Variants in ERC2 observed in about 807,000 individuals in gnomAD.
ERC2 encodes ELKS/RAB6-interacting/CAST family member 2.
ERC2 carries 42 observed loss-of-function variants against 114.8 expected under a neutral mutation model. The observed-to-expected ratio is 0.37, with a 90% CI of 0.29 to 0.47. The LOEUF (loss-of-function observed/expected upper bound fraction) is 0.47, where lower values mean the gene tolerates loss of function less well. ERC2 is among the 20% of genes least tolerant of loss of function. The pLI, the probability that ERC2 is intolerant of heterozygous loss-of-function variation, is 0.99. For missense variants in ERC2, 939 were observed against 1,150.7 expected (o/e 0.82, Z 2.66); for synonymous variants, 454 against 425.5 (o/e 1.07, Z -0.82).
At chr3:55,558,672 C>A (rs780751804) in intron 17 of ERC2, among the ~76,000 whole-genome samples, 1 of 152,238 alleles carries the variant, frequency 6.6e-6, no homozygotes, top group Non-Finnish European at 1.5e-5. Flanking sequence ...GTGAGTGTGG[C>A]CTTTGGCCCA....
intron 2 of ERC2, among the ~76,000 whole-genome samples, chr3:56,334,984 T>G (rs753186871): frequency 3.9e-5 from 6 of 152,116 alleles, no homozygotes; most frequent in Non-Finnish European, 5.9e-5. Flanking sequence ...TTTGCATATT[T>G]AGTAGAGACA....
At chr3:56,024,326 G>C (rs1287303074) in intron 7 of ERC2, among the ~76,000 whole-genome samples, 1 of 152,156 alleles carries the variant, frequency 6.6e-6, no homozygotes, top group Non-Finnish European at 1.5e-5. Flanking sequence ...AGTGAGCTCT[G>C]TCCCACTCGT....
At chr3:56,322,127 T>G (rs1043322765) in intron 2 of ERC2, among the ~76,000 whole-genome samples, 6 of 152,236 alleles carry the variant, frequency 3.9e-5, no homozygotes, top group African/African-American at 1.4e-4. Context: ...TAAAATGAGC[T>G]AACAACTACA....
intron 4 of ERC2, among the ~76,000 whole-genome samples, chr3:56,165,373 C>G (rs1839953): frequency 0.91 from 138,844 of 151,864 alleles, 63,907 homozygotes; most frequent in East Asian, 1. Context: ...ACAGTGTACA[C>G]GTTAGTTACA....
At chr3:56,131,016 G>C (rs566318346) in intron 6 of ERC2, among the ~76,000 whole-genome samples, 3 of 152,182 alleles carry the variant, frequency 2.0e-5, no homozygotes, top group Non-Finnish European at 4.4e-5. Context: ...AAAGTGTGTT[G>C]TTTGGCACTA....
chr3:56,055,049 C>T (rs1231611771), intron 7 of ERC2, among the ~76,000 whole-genome samples: 1 of 152,194 alleles, frequency 6.6e-6, no homozygotes, highest in Non-Finnish European at 1.5e-5. Flanking sequence ...CATTCATTAC[C>T]TCAGGCGAGA....
chr3:55,804,301 C>T (rs1423279263), intron 14 of ERC2, among the ~76,000 whole-genome samples: 1 of 152,128 alleles, frequency 6.6e-6, no homozygotes, highest in African/African-American at 2.4e-5. Flanking sequence ...CATTTACTCA[C>T]AGAGTAAAGC....
At chr3:55,769,654 T>C (rs2068056426) in intron 14 of ERC2, among the ~76,000 whole-genome samples, 1 of 152,136 alleles carries the variant, frequency 6.6e-6, no homozygotes, top group South Asian at 2.1e-4. Context: ...GCAATTTCAT[T>C]GGGTTCAATC....
intron 14 of ERC2, among the ~76,000 whole-genome samples, chr3:55,819,065 T>G (rs1347921246): frequency 1.3e-5 from 2 of 152,204 alleles, no homozygotes; most frequent in Non-Finnish European, 2.9e-5. Flanking sequence ...ATGGTCCTTC[T>G]CTGCTGGGCA....
chr3:55,823,379 C>G (rs1386226565), intron 14 of ERC2, among the ~76,000 whole-genome samples: 1 of 152,166 alleles, frequency 6.6e-6, no homozygotes, highest in Non-Finnish European at 1.5e-5. Context: ...TTTGTTATCC[C>G]AGTACCCTTC....
intron 2 of ERC2, among the ~76,000 whole-genome samples, chr3:56,315,544 C>T (rs991378596): frequency 1.3e-5 from 2 of 152,060 alleles, no homozygotes; most frequent in Admixed American, 1.3e-4. Context: ...TTCCTTAAAA[C>T]GAAGACTCAG....
At chr3:56,426,930 G>A (rs1161411327) in intron 2 of ERC2, among the ~76,000 whole-genome samples, 6 of 151,542 alleles carry the variant, frequency 4.0e-5, no homozygotes, top group East Asian at 1.9e-4. Context: ...GGGAGGCTGA[G>A]GCAGGTGGAT....
chr3:55,691,215 A>G (rs2062621868), intron 16 of ERC2, among the ~76,000 whole-genome samples: 1 of 152,114 alleles, frequency 6.6e-6, no homozygotes, highest in South Asian at 2.1e-4. Flanking sequence ...ATAAAGAAAA[A>G]AGAGACATCT....
At chr3:55,648,536 C>T (rs542132426) in intron 17 of ERC2, among the ~76,000 whole-genome samples, 6 of 152,264 alleles carry the variant, frequency 3.9e-5, no homozygotes, top group Non-Finnish European at 5.9e-5. Flanking sequence ...GTCTCGCAGG[C>T]GGCTGCCTCC....
chr3:56,167,709 C>T (rs1050189735), intron 4 of ERC2, among the ~76,000 whole-genome samples: 2 of 152,052 alleles, frequency 1.3e-5, no homozygotes, highest in Admixed American at 6.6e-5. Context: ...ATTGTAAATG[C>T]ACACTGCACA....
intron 7 of ERC2, among the ~76,000 whole-genome samples, chr3:56,032,978 AG>A (rs2074519923): frequency 1.5e-4 from 4 of 27,218 alleles, no homozygotes; most frequent in Admixed American, 5.6e-4. Context: ...AGAAAGAAAG[AG>A]AAAGAAAGAA....
At chr3:56,313,762 T>C (rs1359884224) in intron 2 of ERC2, among the ~76,000 whole-genome samples, 1 of 152,190 alleles carries the variant, frequency 6.6e-6, no homozygotes, top group Non-Finnish European at 1.5e-5. Flanking sequence ...CAAGCATCAA[T>C]AGGCTGTGGC....
intron 14 of ERC2, among the ~76,000 whole-genome samples, chr3:55,867,321 G>GCCTA (rs1463881324): frequency 6.6e-6 from 1 of 151,784 alleles, no homozygotes; most frequent in Admixed American, 6.6e-5. Context: ...CACACACAGT[G>GCCTA]CCTAGCACAG....
intron 10 of ERC2, among the ~76,000 whole-genome samples, chr3:56,000,013 C>T (rs567598310): frequency 6.6e-6 from 1 of 151,722 alleles, no homozygotes; most frequent in South Asian, 2.1e-4. Flanking sequence ...TTTGACCCAA[C>T]AAATTAGAGA....
Sources: gnomAD v4.1 joint callset for allele counts (sites outside exome capture counted in the v4.1 genomes callset) on GRCh38, gnomAD v4.1.1 for gene constraint, MANE v1.5 for transcripts, NCBI Gene and HGNC (gene_info 2026-07-23, HGNC 2026-07-21) for gene names.